Variants in GEMIN2 observed in about 807,000 individuals in gnomAD.
GEMIN2 encodes the protein gem-associated protein 2.
In GEMIN2, 37 loss-of-function variants were observed where a neutral mutation model predicts 45.8. The ratio of observed to expected loss-of-function variants is 0.81; its 90% confidence interval spans 0.62 to 1.06. The LOEUF (loss-of-function observed/expected upper bound fraction) is 1.06, where lower values mean the gene tolerates loss of function less well. Ranked by LOEUF, GEMIN2 falls within the 50% of genes least tolerant of loss-of-function variation. The pLI is 0.00. For synonymous variants in GEMIN2, 101 were observed against 111.5 expected (o/e 0.91, Z 0.60); for missense variants, 335 against 321.8 (o/e 1.04, Z -0.31).
intron 8 of GEMIN2, 72 bp downstream of exon 8, chr14:39,132,140 G>A (rs1404314111): frequency 1.3e-6 from 1 of 755,696 alleles, no homozygotes; most frequent in Non-Finnish European, 2.4e-6. Context: ...GGAGTTCAGT[G>A]AAATAGGAAA....
At chr14:39,134,034 C>T (rs539706273) in intron 9 of GEMIN2, 7 of 170,702 alleles carry the variant, frequency 4.1e-5, no homozygotes, top group South Asian at 1.8e-4. Flanking sequence ...TGGGCTCAAG[C>T]GATCCTCCCA....
At chr14:39,131,849 T>G (rs920515399) in intron 7 of GEMIN2, 109 bp from the exon 8 acceptor site, 1 of 629,654 alleles carries the variant, frequency 1.6e-6, no homozygotes. Context: ...TAGTTAAATG[T>G]TCTATGAATT....
chr14:39,117,402 C>T (rs1417834375), intron 2 of GEMIN2, among the ~76,000 whole-genome samples: 1 of 152,028 alleles, frequency 6.6e-6, no homozygotes, highest in Non-Finnish European at 1.5e-5. Context: ...CTTTATCACG[C>T]AGGCACAATA....
At chr14:39,115,968 A>G (rs1253680445) in intron 2 of GEMIN2, among the ~76,000 whole-genome samples, 5 of 152,312 alleles carry the variant, frequency 3.3e-5, no homozygotes, top group African/African-American at 1.2e-4. Flanking sequence ...GATTATTGCT[A>G]TGAAGAAAAT....
At chr14:39,135,420 T>C (rs1021014951) in intron 9 of GEMIN2, among the ~76,000 whole-genome samples, 8 of 151,906 alleles carry the variant, frequency 5.3e-5, no homozygotes, top group Non-Finnish European at 1.5e-5. Context: ...ACCTCGCCTC[T>C]ACTAAAAATA....
intron 4 of GEMIN2, among the ~76,000 whole-genome samples, chr14:39,120,012 T>C (rs1376564384): frequency 6.6e-6 from 1 of 152,200 alleles, no homozygotes; most frequent in Non-Finnish European, 1.5e-5. Flanking sequence ...TAGGTAAATA[T>C]ATTTTTTTTC....
chr14:39,125,212 A>G (rs1021995706), intron 6 of GEMIN2, among the ~76,000 whole-genome samples, 176 bp downstream of exon 6: 1 of 152,228 alleles, frequency 6.6e-6, no homozygotes, highest in Non-Finnish European at 1.5e-5. Context: ...ATTGATAACT[A>G]CTTTTTATAG....
chr14:39,118,677 G>C (rs1300599002), intron 4 of GEMIN2, 78 bp downstream of exon 4: 2 of 669,284 alleles, frequency 3.0e-6, no homozygotes, highest in Non-Finnish European at 5.5e-6. Flanking sequence ...AGTCGTTAAA[G>C]ATTCACTTGC....
intron 7 of GEMIN2, 64 bp downstream of exon 7, chr14:39,128,412 G>A: frequency 1.3e-6 from 1 of 798,196 alleles, no homozygotes; most frequent in Non-Finnish European, 2.2e-6. Context: ...GTCAACTGTG[G>A]GCCACATATA....
At chr14:39,134,459 C>A (rs1186410076) in intron 9 of GEMIN2, 1 of 152,120 alleles carries the variant, frequency 6.6e-6, no homozygotes, top group Non-Finnish European at 1.5e-5. Context: ...TATTTTAGGT[C>A]TCCTCCTGGA....
chr14:39,114,390 T>C lies in GEMIN2; in HGVS notation c.52T>C (p.Leu18=), dbSNP rs965227608. Residue 18 remains leucine (L), a synonymous_variant, in exon 1 of 10, where the codon TTG becomes CTG. Coordinates refer to ENST00000308317, the MANE Select transcript of GEMIN2 (RefSeq NM_003616.3). ...AGTGGAAGAGTTGATGCCTCGGCTA[T>C]TGCCGGTAGAGCCTTGCGACTTGAC... is the stretch of plus-strand genomic sequence containing the variant. ...SAVEELMPRL[L]PVEPCDLTEG... 43 of 1,613,880 alleles carry C rather than the reference T, an allele frequency of 2.7e-5. No homozygotes were observed. The highest frequency in any genetic ancestry group is 3.6e-5 in the Non-Finnish European group (43 of 1,179,836).
intron 5 of GEMIN2, among the ~76,000 whole-genome samples, chr14:39,123,323 A>C (rs2052597271): frequency 6.6e-6 from 1 of 152,148 alleles, no homozygotes; most frequent in South Asian, 2.1e-4. Flanking sequence ...CTAAAAATGT[A>C]AAAAGCCCCA....
Position 39,114,880 on chromosome 14 carries a change from G to A in GEMIN2, c.189G>A (p.Lys63=), listed in dbSNP as rs768064908. ...PDVVVAQIDP[K]KLKRKQSVNI... ...TTGTGGTAGCTCAAATTGACCCAAA[G>A]AAGTTGAAAAGGAAGCAAAGTGTGA... The change falls in exon 2 of 10, where the codon AAG becomes AAA. Residue 63 remains lysine, a synonymous_variant. Coordinates refer to ENST00000308317, the MANE Select transcript of GEMIN2 (RefSeq NM_003616.3). The A allele has an allele frequency of 1.3e-6, 2 of 1,579,564 alleles. No individual in the cohort carries two copies. Among genetic ancestry groups the A allele is most frequent in the Non-Finnish European group, 1.7e-6 (2 of 1,148,492 alleles).
At chr14:39,115,834 G>T (rs1429134095) in intron 2 of GEMIN2, among the ~76,000 whole-genome samples, 1 of 152,038 alleles carries the variant, frequency 6.6e-6, no homozygotes, top group African/African-American at 2.4e-5. Context: ...TAAGCAACTA[G>T]GTTGTGCCGG....
At chr14:39,120,710 C>T (rs568108593) in intron 4 of GEMIN2, among the ~76,000 whole-genome samples, 1 of 152,278 alleles carries the variant, frequency 6.6e-6, no homozygotes, top group Admixed American at 6.5e-5. Flanking sequence ...TCACTGCAAC[C>T]TCTGTCTCTT....
chr14:39,136,323 G>T, intron 9 of GEMIN2, 117 bp from the exon 10 acceptor site: 1 of 646,416 alleles, frequency 1.5e-6, no homozygotes. Context: ...ACATACTATA[G>T]CTTATTTAAC....
Position 39,136,381 on chromosome 14 carries a change from T to G in GEMIN2, c.771-59T>G, listed in dbSNP as rs78082091. ...TGGGTTGCTTATGGTCTTTGGCTAT[T>G]AAAAATAGTGCTACAGTTAATATCT... On this transcript the variant is annotated intron_variant, in intron 9 of 9. Coordinates refer to ENST00000308317, the MANE Select transcript of GEMIN2 (RefSeq NM_003616.3). The G allele has an allele frequency of 4.2e-3, 3,781 of 895,488 alleles. 90 individuals carry two copies. In the African/African-American group the frequency reaches 0.052, roughly 12 times the overall value. The allele number at this position is 895,488 out of a possible 1,614,324, so 55.5% of individuals were successfully genotyped here.
At chr14:39,133,122 TAATA>T (rs1476489639) in intron 8 of GEMIN2, among the ~76,000 whole-genome samples, 12 of 145,684 alleles carry the variant, frequency 8.2e-5, no homozygotes, top group African/African-American at 1.5e-4. Context: ...GTACAGTGAT[TAATA>T]TATATTATAT....
intron 2 of GEMIN2, among the ~76,000 whole-genome samples, chr14:39,115,475 T>TTTTTTA (rs2052491155): frequency 6.6e-6 from 1 of 150,488 alleles, no homozygotes; most frequent in African/African-American, 2.4e-5. Context: ...TTTTTTTTTT[T>TTTTTTA]GAGACAGTTT....
Sources: gnomAD v4.1 joint callset for allele counts (sites outside exome capture counted in the v4.1 genomes callset) on GRCh38, gnomAD v4.1.1 for gene constraint, MANE v1.5 for transcripts, NCBI Gene and HGNC (gene_info 2026-07-23, HGNC 2026-07-21) for gene names.